The following DCUN1D1 variants were observed in gnomAD, a reference collection of about 807,000 sequenced individuals.
DCUN1D1 encodes the protein defective in cullin neddylation 1 domain containing 1.
Under a neutral mutation model 39.0 loss-of-function variants are expected in DCUN1D1, and 3 were observed. That is an observed-to-expected ratio of 0.08 (90% CI 0.04 to 0.20). The LOEUF is 0.20. Ranked by LOEUF, DCUN1D1 falls within the 10% of genes least tolerant of loss-of-function variation. DCUN1D1 has a pLI of 1.00. For synonymous variants in DCUN1D1, 82 were observed against 96.3 expected, an observed-to-expected ratio of 0.85 and a Z score of 0.87; for missense variants, 158 against 302.4, an observed-to-expected ratio of 0.52 and a Z score of 3.54.
At chr3:182,967,864 C>T (rs745868197) in intron 1 of DCUN1D1, among the ~76,000 whole-genome samples, 4 of 152,202 alleles carry the variant, frequency 2.6e-5, no homozygotes, top group Admixed American at 6.5e-5. Flanking sequence ...TTGATTCCAA[C>T]TTTTGTTACT....
chr3:182,974,924 C>G (rs147881071), intron 1 of DCUN1D1, among the ~76,000 whole-genome samples: 331 of 152,084 alleles, frequency 2.2e-3, no homozygotes, highest in Non-Finnish European at 3.8e-3. Flanking sequence ...TGGGCGCACA[C>G]CTAAAGTGGC....
intron 1 of DCUN1D1, among the ~76,000 whole-genome samples, chr3:182,968,962 T>C (rs1314957899): frequency 6.6e-6 from 1 of 152,180 alleles, no homozygotes; most frequent in African/African-American, 2.4e-5. Context: ...TATCAACATA[T>C]TTGAAGAAAC....
chr3:182,971,047 A>G (rs1168725199), intron 1 of DCUN1D1, among the ~76,000 whole-genome samples: 1 of 152,246 alleles, frequency 6.6e-6, no homozygotes, highest in East Asian at 1.9e-4. Flanking sequence ...CAGAGGCAAT[A>G]TAATATGATT....
At chr3:182,954,588 T>A (rs1321256034) in intron 4 of DCUN1D1, among the ~76,000 whole-genome samples, 2 of 151,824 alleles carry the variant, frequency 1.3e-5, no homozygotes, top group Non-Finnish European at 1.5e-5. Context: ...ATTCTATGCA[T>A]TTTTTTCTGT....
chr3:182,980,545 C>T, upstream of DCUN1D1: 7 of 1,205,558 alleles, frequency 5.8e-6, no homozygotes, highest in South Asian at 2.1e-5. Context: ...GAATGGACGG[C>T]GGCGGCGGCG....
chr3:182,963,221 T>A (rs1376871941), intron 3 of DCUN1D1, among the ~76,000 whole-genome samples: 1 of 152,232 alleles, frequency 6.6e-6, no homozygotes, highest in Non-Finnish European at 1.5e-5. Flanking sequence ...TAGAAAACTA[T>A]TCTCAAAAAG....
intron 1 of DCUN1D1, among the ~76,000 whole-genome samples, chr3:182,966,232 T>C (rs1208074189): frequency 6.6e-6 from 1 of 152,136 alleles, no homozygotes; most frequent in African/African-American, 2.4e-5. Context: ...TAATACCCAC[T>C]ATAAAGGATA....
intron 1 of DCUN1D1, among the ~76,000 whole-genome samples, chr3:182,973,020 C>A (rs992843038): frequency 2.0e-5 from 3 of 151,404 alleles, no homozygotes; most frequent in African/African-American, 7.3e-5. Flanking sequence ...CCAATCTGGG[C>A]AAGAAGAGCG....
rs1187826305 is a variant in DCUN1D1 at position 182,938,256 on chromosome 3, A to T, written c.*6838T>A. On this transcript the variant is annotated 3_prime_UTR_variant, in exon 7 of 7. Coordinates refer to ENST00000292782, the MANE Select transcript of DCUN1D1 (RefSeq NM_020640.4). ...TAAAGCAATCATTGTTTTTTCAAAA[A>T]AATGAATTTGAAGCCAAAGAGTGGA... is the stretch of plus-strand genomic sequence containing the variant. The T allele has an allele frequency of 6.6e-6, 1 of 152,140 alleles. No homozygotes were observed. The highest frequency in any genetic ancestry group is 2.4e-5 in the African/African-American group (1 of 41,442). 9.4% of individuals were successfully genotyped at this position (152,140 alleles called of 1,614,324 possible). A position where few individuals can be genotyped will look rare whatever the true frequency, so the allele number is the denominator to read the frequency against.
At chr3:182,951,312 T>C (rs959110187) in intron 4 of DCUN1D1, among the ~76,000 whole-genome samples, 1 of 152,090 alleles carries the variant, frequency 6.6e-6, no homozygotes, top group Admixed American at 6.5e-5. Flanking sequence ...ATAAGGATGA[T>C]GATGAAATAT....
chr3:182,977,676 C>T (rs1266452468), intron 1 of DCUN1D1, among the ~76,000 whole-genome samples: 5 of 151,918 alleles, frequency 3.3e-5, no homozygotes, highest in South Asian at 2.1e-4. Flanking sequence ...CCTTGTGATC[C>T]GCCCACCTTG....
chr3:182,978,076 C>A (rs1203683774), intron 1 of DCUN1D1, among the ~76,000 whole-genome samples: 1 of 150,648 alleles, frequency 6.6e-6, no homozygotes, highest in Non-Finnish European at 1.5e-5. Context: ...AAAACAAGTT[C>A]CAAAGTAACA....
chr3:182,952,929 C>T (rs1043724847), intron 4 of DCUN1D1, among the ~76,000 whole-genome samples: 7 of 152,220 alleles, frequency 4.6e-5, no homozygotes, highest in South Asian at 4.1e-4. Context: ...GCTTTGAGAT[C>T]GACCTTTCAG....
chr3:182,975,201 G>A (rs1309122366), intron 1 of DCUN1D1, among the ~76,000 whole-genome samples: 2 of 144,046 alleles, frequency 1.4e-5, no homozygotes, highest in African/African-American at 5.2e-5. Context: ...TTTTGAGACA[G>A]GGTCCCGCTC....
At position 182,940,006 on chromosome 3, in the gene DCUN1D1, G is replaced by A. The variant is rs1411546786; in HGVS notation, c.*5088C>T. ...GAAAACTAAACACGCTGCTTTCAAAGGATTCCAAGTACACCCATCTCTAAA... is the reference window on the plus strand; with the variant it reads ...GAAAACTAAACACGCTGCTTTCAAAAGATTCCAAGTACACCCATCTCTAAA... On this transcript the variant is annotated 3_prime_UTR_variant, in exon 7 of 7. Transcript: ENST00000292782. The A allele has an allele frequency of 1.3e-5, 2 of 152,128 alleles. No individual in the cohort carries two copies. Among genetic ancestry groups the A allele is most frequent in the Non-Finnish European group, 2.9e-5 (2 of 68,010 alleles). The allele number at this position is 152,128 out of a possible 1,614,324, so 9.4% of individuals were successfully genotyped here.
chr3:182,954,015 A>G (rs1553840626), intron 4 of DCUN1D1, among the ~76,000 whole-genome samples: 1 of 152,212 alleles, frequency 6.6e-6, no homozygotes, highest in Non-Finnish European at 1.5e-5. Context: ...AAATGTTGCC[A>G]GCTCACTGGG....
rs1726142251 is a variant in DCUN1D1, at chr3:182,941,741, T to C, written c.*3353A>G. On this transcript the variant is annotated 3_prime_UTR_variant, in exon 7 of 7. Coordinates refer to ENST00000292782, the MANE Select transcript of DCUN1D1 (RefSeq NM_020640.4). ...CATTTAAAACTACATAAATTAATTCTTGCTAAAAGTTGATTCAGTTTTACA... is the reference window on the plus strand; with the variant it reads ...CATTTAAAACTACATAAATTAATTCCTGCTAAAAGTTGATTCAGTTTTACA... 6.6e-6 allele frequency: 1 copy of C among 152,126 alleles called. No homozygotes were observed. The highest frequency in any genetic ancestry group is 2.1e-4 in the South Asian group (1 of 4,834). The allele number at this position is 152,126 out of a possible 1,614,324, so 9.4% of individuals were successfully genotyped here.
rs539170111 is a variant in DCUN1D1 at position 182,974,837 on chromosome 3, T to G, written c.3+5650A>C. On this transcript the variant is annotated intron_variant, in intron 1 of 6. Transcript: ENST00000292782. Reference sequence around the variant, plus strand: ...TCTCAGTGACTAGGTACTAATTATATAAAACAAATTCAATAAAGTAATAAA... The same window carrying G: ...TCTCAGTGACTAGGTACTAATTATAGAAAACAAATTCAATAAAGTAATAAA... Among the ~76,000 whole-genome samples the G allele has an allele frequency of 1.9e-3, 293 of 152,150 alleles. 1 individual carries two copies. The highest frequency in any genetic ancestry group is 7.0e-3 in the African/African-American group (291 of 41,540).
intron 3 of DCUN1D1, among the ~76,000 whole-genome samples, chr3:182,961,586 C>T (rs1201296858): frequency 6.6e-6 from 1 of 152,126 alleles, no homozygotes; most frequent in African/African-American, 2.4e-5. Flanking sequence ...TTAAAAGAAA[C>T]AGGCTATTCG....
Sources: allele counts gnomAD v4.1 joint callset (sites outside exome capture counted in the v4.1 genomes callset), GRCh38; gene constraint gnomAD v4.1.1; transcripts MANE v1.5; gene names NCBI Gene and HGNC (gene_info 2026-07-23, HGNC 2026-07-21).